ACCS: variants seen among roughly 807,000 people sequenced by gnomAD.
ACCS encodes the protein 1-aminocyclopropane-1-carboxylate synthase-like protein 1.
Under a neutral mutation model 59.8 loss-of-function variants are expected in ACCS, and 42 were observed. That is an observed-to-expected ratio of 0.70 (90% confidence interval 0.55 to 0.91). ACCS has a LOEUF of 0.91. ACCS is among the 40% of genes least tolerant of loss of function. The pLI is 0.00. For missense variants in ACCS, 602 were observed against 630.4 expected, an observed-to-expected ratio of 0.95 and a Z score of 0.48; for synonymous variants, 230 against 240.3, an observed-to-expected ratio of 0.96 and a Z score of 0.40.
intron 10 of ACCS, chr11:44,080,803 A>C (rs545382128): frequency 2.7e-5 from 16 of 597,154 alleles, no homozygotes; most frequent in Non-Finnish European, 4.2e-5. Flanking sequence ...TTTATTTACA[A>C]GAAACAGGCA....
At chr11:44,069,671 G>T (rs949540920) in intron 2 of ACCS, among the ~76,000 whole-genome samples, 1 of 152,212 alleles carries the variant, frequency 6.6e-6, no homozygotes, top group Admixed American at 6.5e-5. Context: ...ATGCTTATTG[G>T]CAGGCTTCAG....
chr11:44,070,987 A>G (rs887489404), intron 2 of ACCS, among the ~76,000 whole-genome samples: 1 of 152,188 alleles, frequency 6.6e-6, no homozygotes, highest in Non-Finnish European at 1.5e-5. Context: ...ATCAAGAGCT[A>G]TGGGATCCAG....
In ACCS at chr11:44,074,799, C is replaced by T. The variant is rs1338018862; in HGVS notation, c.489+118C>T. 1,671 of 222,322 alleles carry T rather than the reference C, an allele frequency of 7.5e-3. 14 individuals are homozygous for T. The highest frequency in any genetic ancestry group is 0.026 in the African/African-American group (218 of 8,546). The allele number at this position is 222,322 out of a possible 1,614,324, so 13.8% of individuals were successfully genotyped here. ...TTTTCTCTCTCTCTCTCTTTCTCTC[C>T]TTCCTTCCTTCTCTTTTTTTTTTTT... On this transcript the variant is annotated intron_variant, in intron 5 of 14. Coordinates refer to ENST00000263776, the MANE Select transcript of ACCS (RefSeq NM_032592.4).
rs764847227 is a variant in ACCS, at chr11:44,075,552, G to T, written c.516G>T (p.Ser172=). The T allele has an allele frequency of 6.2e-7, 1 of 1,614,142 alleles. No homozygotes were observed. Among genetic ancestry groups the T allele is most frequent in the Non-Finnish European group, 8.5e-7 (1 of 1,180,036 alleles). The part of the protein sequence containing the change: ...ENVVVLNGGA[S]LFSALATVLC... ...TGGTTGTCCTGAATGGTGGTGCCTC[G>T]CTCTTCTCTGCTCTGGCCACGGTGC... is the stretch of plus-strand genomic sequence containing the variant. Residue 172 remains serine (S), a synonymous_variant, in exon 6 of 15, where the codon TCG becomes TCT. Transcript: ENST00000263776.
At position 44,074,732 on chromosome 11, in the gene ACCS, ATCTCTT is replaced by A. The variant is rs1332900654; in HGVS notation, c.489+55_489+60del. ...TCCTGTTCTCCTGCCTCCCCTCTCC[ATCTCTT>A]TCTTTCTTTCTTTCTTTCTTTCTTT... On this transcript the variant is annotated intron_variant, in intron 5 of 14. Transcript: ENST00000263776. 22 of 851,626 alleles carry A rather than the reference ATCTCTT, an allele frequency of 2.6e-5. No individual in the cohort carries two copies. The African/African-American group carries it at 1.0e-3, about 41-fold the overall frequency. The allele number at this position is 851,626 out of a possible 1,614,324, so 52.8% of individuals were successfully genotyped here. A position where few individuals can be genotyped will look rare whatever the true frequency, so the allele number is the denominator to read the frequency against.
At chr11:44,075,469 G>T (rs1953310625) in intron 5 of ACCS, 57 bp from the exon 6 acceptor site, 1 of 1,582,066 alleles carries the variant, frequency 6.3e-7, no homozygotes, top group African/African-American at 1.3e-5. Flanking sequence ...GAGGCTGCGG[G>T]TCCGTGCACA....
Position 44,078,748 on chromosome 11 carries a change from C to T in ACCS, c.797C>T (p.Pro266Leu). 1 of 1,614,128 alleles carries T rather than the reference C, an allele frequency of 6.2e-7. No homozygotes were observed. The change falls in exon 9 of 15, where the codon CCT (proline) becomes CTT (leucine). Residue 266 changes from proline (P) to leucine (L), a missense_variant. Physicochemically the swap from Pro to Leu is moderately conservative, Grantham distance 98. Transcript: ENST00000263776. ...AACCCTCTGGGTGATGTATACTCCCCTGAAGAGCTACAGGAGTACCTGGTA... is the reference window on the plus strand; with the variant it reads ...AACCCTCTGGGTGATGTATACTCCCTTGAAGAGCTACAGGAGTACCTGGTA... ...PQNPLGDVYS[P>L]EELQEYLVFA... is the part of the protein sequence containing the mutation.
chr11:44,078,971 T>G (rs1953508020), intron 9 of ACCS, 187 bp downstream of exon 9: 4 of 586,596 alleles, frequency 6.8e-6, no homozygotes, highest in Non-Finnish European at 1.2e-5. Flanking sequence ...TTTCACTCTT[T>G]ATAACAATAG....
chr11:44,082,749 AAGTC>A (rs1953697026), intron 12 of ACCS, among the ~76,000 whole-genome samples: 1 of 152,156 alleles, frequency 6.6e-6, no homozygotes, highest in South Asian at 2.1e-4. Context: ...CAACGACAAA[AAGTC>A]AGTACAAACA....
chr11:44,082,193 GTAAGT>G (rs1953671359), intron 12 of ACCS: 1 of 83,352 alleles, frequency 1.2e-5, no homozygotes. Context: ...TGGTAGGAGT[GTAAGT>G]AGTTCAGCCA....
Position 44,078,735 on chromosome 11 carries a change from G to T in ACCS, c.784G>T (p.Asp262Tyr). The T allele has an allele frequency of 6.2e-7, 1 of 1,614,140 alleles. No homozygotes were observed. Among genetic ancestry groups the T allele is most frequent in the Non-Finnish European group, 8.5e-7 (1 of 1,180,020 alleles). Reference protein sequence around the residue: ...ILISPQNPLGDVYSPEELQEY... With the variant: ...ILISPQNPLGYVYSPEELQEY... ...CATCAGCCCCCAGAACCCTCTGGGT[G>T]ATGTATACTCCCCTGAAGAGCTACA... Residue 262 changes from aspartate (D) to tyrosine (Y), a missense_variant, in exon 9 of 15, where the codon GAT (aspartate) becomes TAT (tyrosine). By Grantham distance (160) the Asp-to-Tyr change is radical. Coordinates refer to ENST00000263776, the MANE Select transcript of ACCS (RefSeq NM_032592.4).
At position 44,068,590 on chromosome 11, in the gene ACCS, G is replaced by A. The variant is rs551850590; in HGVS notation, c.288+675G>A. 8.5e-5 allele frequency among the ~76,000 whole-genome samples: 13 copies of A among 152,328 alleles called. No homozygotes were observed. In the South Asian group the frequency reaches 2.1e-3, roughly 24 times the overall value. On this transcript the variant is annotated intron_variant, in intron 2 of 14. Coordinates refer to ENST00000263776, the MANE Select transcript of ACCS (RefSeq NM_032592.4). ...ACTGCATTCTAGCCTGGGCAACGGT[G>A]TGAGACCCTATCTCAAAATAACAAC...
intron 1 of ACCS, 108 bp downstream of exon 1, chr11:44,066,809 T>C (rs548921892): frequency 6.6e-6 from 1 of 152,400 alleles, no homozygotes; most frequent in Admixed American, 6.5e-5. Context: ...GCGCCCAGTG[T>C]TACCAGAGCT....
Position 44,081,083 on chromosome 11 carries a change from C to G in ACCS, c.969+18C>G, listed in dbSNP as rs1319484052. On this transcript the variant is annotated intron_variant, in intron 11 of 14. Coordinates refer to ENST00000263776, the MANE Select transcript of ACCS (RefSeq NM_032592.4). The stretch of plus-strand genomic sequence containing the variant: ...CCAGCAAGGTGAGTTCCTGGCTGGC[C>G]TTGGGGGTGTCAGAAGGGTGGGAGG... 1 of 1,614,056 alleles carries G rather than the reference C, an allele frequency of 6.2e-7. No individual in the cohort carries two copies. Among genetic ancestry groups the G allele is most frequent in the Non-Finnish European group, 8.5e-7 (1 of 1,180,040 alleles).
chr11:44,077,744 G>A (rs895008157), intron 7 of ACCS, 101 bp from the exon 8 acceptor site: 4 of 1,506,106 alleles, frequency 2.7e-6, no homozygotes, highest in Non-Finnish European at 3.6e-6. Context: ...CTTCTGAGGA[G>A]GCTGGGGATT....
chr11:44,073,412 G>A (rs1953156234), intron 3 of ACCS, 35 bp from the exon 4 acceptor site: 1 of 1,573,470 alleles, frequency 6.4e-7, no homozygotes, highest in Non-Finnish European at 8.7e-7. Flanking sequence ...TAGCAGTGCT[G>A]GCCCTCAGCC....
At chr11:44,078,835 C>A in intron 9 of ACCS, 51 bp downstream of exon 9, 1 of 1,525,076 alleles carries the variant, frequency 6.6e-7, no homozygotes, top group Non-Finnish European at 9.0e-7. Flanking sequence ...GCCTGGGGTT[C>A]CAATGCGGGT....
rs753776846 is a variant in ACCS, at chr11:44,067,693, G to A, written c.66G>A (p.Gln22=). The change falls in exon 2 of 15, where the codon CAG becomes CAA. Residue 22 remains glutamine, a synonymous_variant. Coordinates refer to ENST00000263776, the MANE Select transcript of ACCS (RefSeq NM_032592.4). ...CCTGTCTGGGCCCCACCTGCATGCA[G>A]GACCTGGGCAGTAGCCATGGGGAAG... The part of the protein sequence containing the change: ...PTTCLGPTCM[Q]DLGSSHGEDL... 1 of 1,614,214 alleles carries A rather than the reference G, an allele frequency of 6.2e-7. No individual in the cohort carries two copies. The highest frequency in any genetic ancestry group is 8.5e-7 in the Non-Finnish European group (1 of 1,180,026).
chr11:44,078,460 T>A (rs770194724), intron 8 of ACCS: 1 of 471,288 alleles, frequency 2.1e-6, no homozygotes, highest in Non-Finnish European at 3.7e-6. Flanking sequence ...CCAACAAAGG[T>A]AACCTACTGG....
Sources: gnomAD v4.1 joint callset for allele counts (sites outside exome capture counted in the v4.1 genomes callset) on GRCh38, gnomAD v4.1.1 for gene constraint, MANE v1.5 for transcripts, NCBI Gene and HGNC (gene_info 2026-07-23, HGNC 2026-07-21) for gene names.